Variants in GRM1 observed in about 807,000 individuals in gnomAD.
GRM1 encodes glutamate metabotropic receptor 1, also known as metabotropic glutamate receptor 1.
GRM1 carries 33 observed loss-of-function variants against 90.9 expected under a neutral mutation model. The observed-to-expected ratio is 0.36, with a 90% CI of 0.28 to 0.49. GRM1 has a LOEUF of 0.49. GRM1 is among the 20% of genes least tolerant of loss of function. The pLI is 0.99. For missense variants in GRM1, 1,190 were observed against 1,534.3 expected, an observed-to-expected ratio of 0.78 and a Z score of 3.75; for synonymous variants, 700 against 613.2, an observed-to-expected ratio of 1.14 and a Z score of -2.09.
At chr6:146,267,695 C>T (rs998477093) in intron 2 of GRM1, among the ~76,000 whole-genome samples, 15 of 97,378 alleles carry the variant, frequency 1.5e-4, no homozygotes, top group Non-Finnish European at 2.5e-4. Context: ...CGGCTCGGCT[C>T]GGCTCGGCTC....
chr6:146,369,039 T>C (rs1182769010), intron 5 of GRM1, among the ~76,000 whole-genome samples: 1 of 152,030 alleles, frequency 6.6e-6, no homozygotes, highest in East Asian at 1.9e-4. Context: ...TATTGGTGTG[T>C]TCAGGCTTTC....
chr6:146,379,138 T>C (rs1378593766), intron 5 of GRM1, among the ~76,000 whole-genome samples: 1 of 152,200 alleles, frequency 6.6e-6, no homozygotes, highest in Non-Finnish European at 1.5e-5. Context: ...GGAAGTTCTC[T>C]GATACTACCT....
chr6:146,330,001 A>G (rs930570517), intron 3 of GRM1, among the ~76,000 whole-genome samples: 13 of 152,314 alleles, frequency 8.5e-5, no homozygotes, highest in African/African-American at 2.6e-4. Context: ...TCTTACTGAC[A>G]GGCCTAACAT....
chr6:146,043,067 G>A (rs967731043), intron 1 of GRM1, among the ~76,000 whole-genome samples: 1 of 151,918 alleles, frequency 6.6e-6, no homozygotes, highest in Non-Finnish European at 1.5e-5. Context: ...GAAAGCTAAG[G>A]TGGGAGGCTT....
intron 3 of GRM1, among the ~76,000 whole-genome samples, chr6:146,349,369 C>T (rs1327958907): frequency 6.6e-6 from 1 of 151,988 alleles, no homozygotes; most frequent in Non-Finnish European, 1.5e-5. Context: ...GCGTGAGCCA[C>T]CACGCCCGGC....
intron 2 of GRM1, among the ~76,000 whole-genome samples, chr6:146,182,742 C>T (rs1253394551): frequency 6.6e-6 from 1 of 151,928 alleles, no homozygotes; most frequent in Non-Finnish European, 1.5e-5. Flanking sequence ...CAGTAATTTA[C>T]AACATGAAAC....
At chr6:146,152,324 T>C (rs1777370212) in intron 1 of GRM1, among the ~76,000 whole-genome samples, 1 of 151,850 alleles carries the variant, frequency 6.6e-6, no homozygotes, top group African/African-American at 2.4e-5. Flanking sequence ...AGGCCCACTT[T>C]CCTTCTTACT....
rs67497002 is a variant in GRM1 at position 146,115,221 on chromosome 6, T to TACAC, written c.701-44103_701-44100dup. Among the ~76,000 whole-genome samples the TACAC allele has an allele frequency of 6.7e-4, 100 of 148,686 alleles. 1 individual carries two copies. The highest frequency in any genetic ancestry group is 1.2e-3 in the East Asian group (6 of 5,042). ...AGGGCTGTTTTGAGGATTAAATGCATACACACACACACACACACACACACA... is the reference window on the plus strand; with the variant it reads ...AGGGCTGTTTTGAGGATTAAATGCATACACACACACACACACACACACACACACA... On this transcript the variant is annotated intron_variant, in intron 1 of 7. Coordinates refer to ENST00000282753, the MANE Select transcript of GRM1 (RefSeq NM_001278064.2).
intron 5 of GRM1, among the ~76,000 whole-genome samples, chr6:146,379,031 A>T (rs1349464894): frequency 6.6e-6 from 1 of 152,172 alleles, no homozygotes; most frequent in East Asian, 1.9e-4. Context: ...TCCTTTATAA[A>T]TTACCTAGTC....
chr6:146,296,125 G>T (rs1394559952), intron 2 of GRM1, among the ~76,000 whole-genome samples: 1 of 152,106 alleles, frequency 6.6e-6, no homozygotes, highest in African/African-American at 2.4e-5. Flanking sequence ...GTTATAGATG[G>T]GCACTTAGAT....
At chr6:146,366,226 C>T (rs899232936) in intron 5 of GRM1, among the ~76,000 whole-genome samples, 3 of 152,094 alleles carry the variant, frequency 2.0e-5, no homozygotes, top group South Asian at 2.1e-4. Context: ...ACATAATAAT[C>T]GTACATATTT....
intron 2 of GRM1, among the ~76,000 whole-genome samples, chr6:146,272,025 A>G (rs1025835275): frequency 6.6e-6 from 1 of 152,118 alleles, no homozygotes; most frequent in East Asian, 1.9e-4. Context: ...CCTGCATTTC[A>G]TCAGTGTTTT....
intron 2 of GRM1, among the ~76,000 whole-genome samples, chr6:146,273,517 A>G (rs1782244904): frequency 6.6e-6 from 1 of 152,214 alleles, no homozygotes; most frequent in African/African-American, 2.4e-5. Context: ...TCTCAGCTAA[A>G]TGTTTTGAAA....
In GRM1 at chr6:146,386,883, G is replaced by A; in HGVS notation, c.1603-7G>A. The A allele has an allele frequency of 1.2e-6, 2 of 1,602,614 alleles. No individual in the cohort carries two copies. Among genetic ancestry groups the A allele is most frequent in the Non-Finnish European group, 1.7e-6 (2 of 1,170,002 alleles). ...TCTTTAAAATTCATGAAATATCTAT[G>A]TTATAGGTTATACGGAAAGGAGAAG... On this transcript the variant is annotated splice_region_variant and splice_polypyrimidine_tract_variant and intron_variant, in intron 5 of 7. Transcript: ENST00000282753.
At chr6:146,388,842 T>C (rs927690100) in intron 6 of GRM1, among the ~76,000 whole-genome samples, 1 of 152,088 alleles carries the variant, frequency 6.6e-6, no homozygotes, top group African/African-American at 2.4e-5. Flanking sequence ...AATACATGTT[T>C]GTTAAATTGA....
rs374739481 is a variant in GRM1, at chr6:146,150,463, T to G, written c.701-8885T>G. On this transcript the variant is annotated intron_variant, in intron 1 of 7. Transcript: ENST00000282753. ...ATAATAGTTTCCCATATTTATGGGG[T>G]ACATGTGATATTTTGACACAGTCAT... is the stretch of plus-strand genomic sequence containing the variant. Among the ~76,000 whole-genome samples the G allele has an allele frequency of 4.6e-5, 7 of 152,162 alleles. No individual in the cohort carries two copies. The East Asian group carries it at 7.7e-4, about 17-fold the overall frequency.
At chr6:146,309,132 C>T (rs770534154) in intron 3 of GRM1, among the ~76,000 whole-genome samples, 64 of 152,072 alleles carry the variant, frequency 4.2e-4, no homozygotes, top group Non-Finnish European at 8.2e-4. Flanking sequence ...GGCATGGTGG[C>T]TCATGCCTGT....
chr6:146,036,753 A>C (rs536466389), intron 1 of GRM1, among the ~76,000 whole-genome samples: 1 of 152,036 alleles, frequency 6.6e-6, no homozygotes, highest in Non-Finnish European at 1.5e-5. Context: ...TCCAGGTAAA[A>C]GCCTTAATTT....
intron 1 of GRM1, among the ~76,000 whole-genome samples, chr6:146,090,525 C>G (rs1776680362): frequency 6.6e-6 from 1 of 152,068 alleles, no homozygotes; most frequent in Admixed American, 6.6e-5. Flanking sequence ...TAAAATGCGG[C>G]CTACATTAAG....
Sources: allele counts gnomAD v4.1 joint callset (sites outside exome capture counted in the v4.1 genomes callset), GRCh38; gene constraint gnomAD v4.1.1; transcripts MANE v1.5; gene names NCBI Gene and HGNC (gene_info 2026-07-23, HGNC 2026-07-21).